The following SLCO2B1 variants were observed in gnomAD, a reference collection of about 807,000 sequenced individuals.
SLCO2B1 encodes the protein OATP-RP2.
A neutral mutation model predicts 67.3 loss-of-function variants in SLCO2B1; 41 were observed. The observed-to-expected ratio is 0.61, with a 90% CI of 0.47 to 0.79. The LOEUF is 0.79. SLCO2B1 is among the 30% of genes least tolerant of loss of function. SLCO2B1 has a pLI of 0.00. For synonymous variants in SLCO2B1, 379 were observed against 381.4 expected, an observed-to-expected ratio of 0.99 and a Z score of 0.07; for missense variants, 837 against 920.1, an observed-to-expected ratio of 0.91 and a Z score of 1.17.
At position 75,158,676 on chromosome 11, in the gene SLCO2B1, T is replaced by C. The variant is rs371190888; in HGVS notation, c.17-3979T>C. The stretch of plus-strand genomic sequence containing the variant: ...AATAGTGTGTCCTGAATTCCATCAG[T>C]AAATACTGTTATATTCACCTTACAA... On this transcript the variant is annotated intron_variant, in intron 1 of 13. Transcript: ENST00000289575. 8.7e-4 allele frequency among the ~76,000 whole-genome samples: 133 copies of C among 152,324 alleles called. 1 individual carries two copies. The South Asian group carries it at 0.02, about 23-fold the overall frequency.
At position 75,175,415 on chromosome 11, in the gene SLCO2B1, G is replaced by A. The variant is rs1230273360; in HGVS notation, c.972+2846G>A. Among the ~76,000 whole-genome samples, 3 of 152,176 alleles carry A rather than the reference G, an allele frequency of 2.0e-5. No homozygotes were observed. The East Asian group carries it at 5.8e-4, about 29-fold the overall frequency. ...AGACATGGGATGTGTATCTTCTGCA[G>A]GGCGAGAGAATGGGCAAGAGGAGAA... On this transcript the variant is annotated intron_variant, in intron 7 of 13. Transcript: ENST00000289575.
chr11:75,157,403 T>C (rs1949757954), intron 1 of SLCO2B1, among the ~76,000 whole-genome samples: 1 of 152,200 alleles, frequency 6.6e-6, no homozygotes, highest in East Asian at 1.9e-4. Context: ...CAGGAGATGC[T>C]TTCTGCACCA....
chr11:75,175,403 G>A (rs1193661614), intron 7 of SLCO2B1, among the ~76,000 whole-genome samples: 2 of 152,170 alleles, frequency 1.3e-5, no homozygotes, highest in Non-Finnish European at 2.9e-5. Flanking sequence ...CATGGGATGT[G>A]TATCTTCTGC....
chr11:75,203,110 C>T (rs1251135146), intron 12 of SLCO2B1, 145 bp downstream of exon 12: 6 of 1,139,640 alleles, frequency 5.3e-6, no homozygotes, highest in African/African-American at 1.5e-5. Context: ...TGGCCCAGCT[C>T]TCCTAGAGCG....
At chr11:75,182,574 C>G (rs1269029980) in intron 7 of SLCO2B1, among the ~76,000 whole-genome samples, 1 of 152,136 alleles carries the variant, frequency 6.6e-6, no homozygotes, top group Non-Finnish European at 1.5e-5. Flanking sequence ...GAAACCCAGT[C>G]TCTACTAAAA....
intron 2 of SLCO2B1, 25 bp downstream of exon 2, chr11:75,162,810 C>T (rs765415212): frequency 5.0e-5 from 81 of 1,606,602 alleles, no homozygotes; most frequent in Non-Finnish European, 6.8e-5. Context: ...CTGGCAGGGG[C>T]CTCCGAGTCT....
At chr11:75,161,037 G>A (rs1949813803) in intron 1 of SLCO2B1, among the ~76,000 whole-genome samples, 1 of 152,176 alleles carries the variant, frequency 6.6e-6, no homozygotes, top group South Asian at 2.1e-4. Flanking sequence ...GTTAAACATA[G>A]CATTATTGTA....
rs1181767109 is a variant in SLCO2B1 at position 75,164,028 on chromosome 11, C to T, written c.213C>T (p.Ser71=). 6.2e-7 allele frequency: 1 copy of T among 1,607,398 alleles called. No individual in the cohort carries two copies. Among genetic ancestry groups the T allele is most frequent in the Admixed American group, 1.7e-5 (1 of 59,294 alleles). The change falls in exon 3 of 14, where the codon AGC becomes AGT. Residue 71 remains serine (S), a synonymous_variant. Coordinates refer to ENST00000289575, the MANE Select transcript of SLCO2B1 (RefSeq NM_007256.5). ...TCATGATCTCCGGCTACCTAAAGAG[C>T]TCCATCTCCACAGTGGAGAAGCGCT... is the stretch of plus-strand genomic sequence containing the variant. The part of the protein sequence containing the change: ...AQLMISGYLK[S]SISTVEKRFG...
chr11:75,184,044 G>C (rs765177163), intron 7 of SLCO2B1, among the ~76,000 whole-genome samples: 1 of 152,200 alleles, frequency 6.6e-6, no homozygotes, highest in East Asian at 1.9e-4. Flanking sequence ...AGTTCCGCTA[G>C]AGCTGGTGTG....
rs779894847 is a variant in SLCO2B1, at chr11:75,169,281, T to C, written c.557T>C (p.Leu186Pro). The change falls in exon 5 of 14, where the codon CTG becomes CCG. Residue 186 changes from leucine (L) to proline (P), a missense_variant. Coordinates refer to ENST00000289575, the MANE Select transcript of SLCO2B1 (RefSeq NM_007256.5). ...TCAAGCTACACAGAAACCCAGCATC[T>C]GAGTGTGGTGGGGATCATGTTCGTG... ...NCSSYTETQH[L>P]SVVGIMFVAQ... The C allele has an allele frequency of 5.1e-5, 82 of 1,614,052 alleles. No individual in the cohort carries two copies. Among genetic ancestry groups the C allele is most frequent in the Non-Finnish European group, 6.9e-5 (81 of 1,180,038 alleles).
At chr11:75,165,662 A>G in intron 3 of SLCO2B1, 125 bp from the exon 4 acceptor site, 1 of 1,124,356 alleles carries the variant, frequency 8.9e-7, no homozygotes, top group Non-Finnish European at 1.3e-6. Flanking sequence ...AGAGGGACCC[A>G]GATGATTTTT....
In SLCO2B1 at chr11:75,162,614, G is replaced by A. The variant is rs12287059; in HGVS notation, c.17-41G>A. ...CTAATCAGGTCAGGGCCATTCTCGGGGATTCTATCTATTCTCTTTCCCTGG... is the reference window on the plus strand; with the variant it reads ...CTAATCAGGTCAGGGCCATTCTCGGAGATTCTATCTATTCTCTTTCCCTGG... On this transcript the variant is annotated intron_variant, in intron 1 of 13. Coordinates refer to ENST00000289575, the MANE Select transcript of SLCO2B1 (RefSeq NM_007256.5). 8.3e-3 allele frequency: 13,188 copies of A among 1,593,366 alleles called. 821 individuals are homozygous for A. In the African/African-American group the frequency reaches 0.15, roughly 18 times the overall value.
intron 10 of SLCO2B1, 35 bp from the exon 11 acceptor site, chr11:75,200,189 G>A (rs1050244833): frequency 1.3e-6 from 2 of 1,574,894 alleles, no homozygotes; most frequent in Admixed American, 1.7e-5. Context: ...GCCCTTGGAG[G>A]CTCTTGAAGT....
intron 12 of SLCO2B1, 82 bp from the exon 13 acceptor site, chr11:75,203,225 C>T: frequency 6.5e-7 from 1 of 1,549,254 alleles, no homozygotes; most frequent in Non-Finnish European, 8.7e-7. Context: ...TAACCCAGAG[C>T]CCCTGAGGGG....
Position 75,165,879 on chromosome 11 carries a change from C to T in SLCO2B1, c.378C>T (p.Ala126=). The T allele has an allele frequency of 1.2e-6, 2 of 1,614,156 alleles. No homozygotes were observed. The highest frequency in any genetic ancestry group is 1.7e-6 in the Non-Finnish European group (2 of 1,180,004). Residue 126 remains alanine, a synonymous_variant, in exon 4 of 14, where the codon GCC becomes GCT. Transcript: ENST00000289575. ...TTGGCTATGGGGCTATCCTTGTGGCCCTGGCGGGCCTGCTCATGACTCTCC... is the reference window on the plus strand; with the variant it reads ...TTGGCTATGGGGCTATCCTTGTGGCTCTGGCGGGCCTGCTCATGACTCTCC... ...RMIGYGAILV[A]LAGLLMTLPH...
rs74780402 is a variant in SLCO2B1 at position 75,191,505 on chromosome 11, C to G, written c.1076-1713C>G. 1.6e-3 allele frequency among the ~76,000 whole-genome samples: 240 copies of G among 152,296 alleles called. 2 individuals carry two copies. Among genetic ancestry groups the G allele is most frequent in the African/African-American group, 5.6e-3 (234 of 41,546 alleles). On this transcript the variant is annotated intron_variant, in intron 8 of 13. Coordinates refer to ENST00000289575, the MANE Select transcript of SLCO2B1 (RefSeq NM_007256.5). ...AAGAGGGGGAATTCCACAGCCCCCACCCACCGTCCTGAACTGTTTGTTTTT... is the reference window on the plus strand; with the variant it reads ...AAGAGGGGGAATTCCACAGCCCCCAGCCACCGTCCTGAACTGTTTGTTTTT...
intron 2 of SLCO2B1, among the ~76,000 whole-genome samples, chr11:75,163,306 T>C (rs1482563429): frequency 1.3e-5 from 2 of 152,234 alleles, no homozygotes; most frequent in Non-Finnish European, 2.9e-5. Context: ...AGCTCTGTCA[T>C]AAATACTCTA....
In SLCO2B1 at chr11:75,162,638, G is replaced by C; in HGVS notation, c.17-17G>C. 1 of 1,609,388 alleles carries C rather than the reference G, an allele frequency of 6.2e-7. No homozygotes were observed. Among genetic ancestry groups the C allele is most frequent in the Non-Finnish European group, 8.5e-7 (1 of 1,178,124 alleles). On this transcript the variant is annotated splice_polypyrimidine_tract_variant and intron_variant, in intron 1 of 13. Coordinates refer to ENST00000289575, the MANE Select transcript of SLCO2B1 (RefSeq NM_007256.5). Reference sequence around the variant, plus strand: ...GGGATTCTATCTATTCTCTTTCCCTGGTTTTCTGTCCCTCAGGGCCAGCGG... The same window carrying C: ...GGGATTCTATCTATTCTCTTTCCCTCGTTTTCTGTCCCTCAGGGCCAGCGG...
rs1945217364 is a variant in SLCO2B1, at chr11:75,203,416, G to T, written c.1938G>T (p.Leu646=). ...TCTGTCGCTACTACAATAATGACCT[G>T]CTCCGAAACCGGTGAGACCTGGTTT... ...RAVCRYYNND[L]LRNRFIGLQF... The change falls in exon 13 of 14, where the codon CTG becomes CTT. Residue 646 remains leucine (L), a synonymous_variant. Transcript: ENST00000289575. 2 of 1,614,178 alleles carry T rather than the reference G, an allele frequency of 1.2e-6. No homozygotes were observed. Among genetic ancestry groups the T allele is most frequent in the Non-Finnish European group, 1.7e-6 (2 of 1,180,012 alleles).
Sources: allele counts gnomAD v4.1 joint callset (sites outside exome capture counted in the v4.1 genomes callset), GRCh38; gene constraint gnomAD v4.1.1; transcripts MANE v1.5; gene names NCBI Gene and HGNC (gene_info 2026-07-23, HGNC 2026-07-21).